Variants in SPTBN2 observed in about 807,000 individuals in gnomAD.
The protein encoded by SPTBN2 is spectrin beta chain, non-erythrocytic 2.
SPTBN2 carries 107 observed loss-of-function variants against 284.2 expected under a neutral mutation model. The ratio of observed to expected loss-of-function variants is 0.38; its 90% confidence interval spans 0.32 to 0.44. The LOEUF (loss-of-function observed/expected upper bound fraction) is 0.44, where lower values mean the gene tolerates loss of function less well. SPTBN2 is among the 20% of genes least tolerant of loss of function. SPTBN2 has a pLI of 1.00. For missense variants in SPTBN2, 2,569 were observed against 3,287.1 expected (o/e 0.78, Z 5.34); for synonymous variants, 1,289 against 1,354.8 (o/e 0.95, Z 1.07).
rs750520015 is a variant in SPTBN2 at position 66,704,832 on chromosome 11, G to C, written c.2444C>G (p.Pro815Arg). The change falls in exon 15 of 38, where the codon CCC becomes CGC. Residue 815 changes from proline to arginine, a missense_variant. By Grantham distance (103) the Pro-to-Arg change is moderately radical. Coordinates refer to ENST00000533211, the MANE Select transcript of SPTBN2 (RefSeq NM_006946.4). ...CACCTCGGGCGTGCGGCTCAGTGTG[G>C]GGGGCAGGGCTGCTGCCTGTTCCCT... is the stretch of plus-strand genomic sequence containing the variant. ...ALREQAAALP[P>R]TLSRTPEVQS... 9 of 1,607,734 alleles carry C rather than the reference G, an allele frequency of 5.6e-6. No homozygotes were observed. The highest frequency in any genetic ancestry group is 4.5e-5 in the East Asian group (2 of 44,860).
chr11:66,698,472 T>C (rs1156791680), intron 20 of SPTBN2, among the ~76,000 whole-genome samples, 167 bp downstream of exon 20: 1 of 152,340 alleles, frequency 6.6e-6, no homozygotes, highest in East Asian at 1.9e-4. Flanking sequence ...CCACTCTTTG[T>C]CTCCAACAAA....
Position 66,705,244 on chromosome 11 carries a change from G to A in SPTBN2, c.2032C>T (p.Arg678Cys), listed in dbSNP as rs866339763. The change falls in exon 15 of 38, where the codon CGC becomes TGC. Residue 678 changes from arginine to cysteine, a missense_variant. Physicochemically the swap from Arg to Cys is radical, Grantham distance 180 (BLOSUM62 -3). Coordinates refer to ENST00000533211, the MANE Select transcript of SPTBN2 (RefSeq NM_006946.4). ...AGGGCTGTGTGCTTGTTGAGCAGGC[G>A]GAGGGCACCGGTCAGGTCTCGGCCC... ...DTGRDLTGAL[R>C]LLNKHTALRG... 5.7e-6 allele frequency: 9 copies of A among 1,568,960 alleles called. No individual in the cohort carries two copies. Among genetic ancestry groups the A allele is most frequent in the Non-Finnish European group, 7.7e-6 (9 of 1,163,410 alleles).
At chr11:66,699,192 G>T in intron 18 of SPTBN2, 110 bp from the exon 19 acceptor site, 2 of 1,386,780 alleles carry the variant, frequency 1.4e-6, no homozygotes, top group Non-Finnish European at 2.0e-6. Flanking sequence ...CCTTCCGGGA[G>T]CACAATGAGG....
rs1941721292 is a variant in SPTBN2, at chr11:66,709,076, T to C, written c.1074-57A>G. On this transcript the variant is annotated intron_variant, in intron 10 of 37. Transcript: ENST00000533211. ...TAAAGCCCACGAGGGTCACAAGGAC[T>C]CTTTACTCTTCCAAATGGGTGTCCT... The C allele has an allele frequency of 5.7e-6, 8 of 1,396,326 alleles. No homozygotes were observed. The Admixed American group carries it at 1.3e-4, about 23-fold the overall frequency. 86.5% of individuals were successfully genotyped at this position (1,396,326 alleles called of 1,614,324 possible).
At chr11:66,688,583 C>A (rs922554622) in intron 31 of SPTBN2, 70 bp downstream of exon 31, 2 of 1,592,602 alleles carry the variant, frequency 1.3e-6, no homozygotes, top group African/African-American at 2.7e-5. Context: ...GACATGTCTT[C>A]TCCAAGCAGA....
rs201811428 is a variant in SPTBN2, at chr11:66,687,622, T to C, written c.6527A>G (p.Asn2176Ser). ...GGTCTGCCTCTCTCCCCGGGGCCCATTGGCTTCGTCCCCTGAGCCAGGTCC... is the reference window on the plus strand; with the variant it reads ...GGTCTGCCTCTCTCCCCGGGGCCCACTGGCTTCGTCCCCTGAGCCAGGTCC... ...GPGPGSGDEANGPRGERQTRT... is the reference protein window; with the variant it reads ...GPGPGSGDEASGPRGERQTRT... Residue 2176 changes from asparagine (N) to serine (S), a missense_variant, in exon 35 of 38, where the codon AAT becomes AGT. Physicochemically the swap from Asn to Ser is conservative, Grantham distance 46. This residue lies in a region of SPTBN2 where 1,130 missense variants were observed against 1,317.3 expected (regional missense o/e 0.86). Transcript: ENST00000533211. The surrounding 1 kb of genome is among the most constrained non-coding windows in gnomAD (Gnocchi z 5.2). 108 of 1,602,328 alleles carry C rather than the reference T, an allele frequency of 6.7e-5. 1 individual carries two copies. The South Asian group carries it at 8.4e-4, about 12-fold the overall frequency.
At chr11:66,692,512 G>C (rs771306242) in intron 26 of SPTBN2, 24 bp downstream of exon 26, 1 of 1,599,384 alleles carries the variant, frequency 6.3e-7, no homozygotes, top group Non-Finnish European at 8.5e-7. Context: ...GTTGATCTGA[G>C]CTGGGTGCCC....
At chr11:66,701,549 C>A (rs1428372719) in intron 16 of SPTBN2, 35 bp downstream of exon 16, 3 of 1,614,022 alleles carry the variant, frequency 1.9e-6, no homozygotes, top group Non-Finnish European at 2.5e-6. Context: ...CTTCATTTTT[C>A]TGTCAGTTTC....
At chr11:66,712,431 C>G (rs1941918341) in intron 8 of SPTBN2, among the ~76,000 whole-genome samples, 1 of 152,008 alleles carries the variant, frequency 6.6e-6, no homozygotes, top group Non-Finnish European at 1.5e-5. Context: ...CCTGTAATCT[C>G]AGCTACTCAA....
upstream of SPTBN2, among the ~76,000 whole-genome samples, chr11:66,730,476 A>G (rs1301383618): frequency 6.6e-6 from 1 of 151,850 alleles, no homozygotes; most frequent in Non-Finnish European, 1.5e-5. Context: ...GCTACTCAGG[A>G]GGCTGAGGCA....
At chr11:66,705,920 G>A (rs1005002698) in intron 13 of SPTBN2, 83 bp from the exon 14 acceptor site, 8 of 1,539,850 alleles carry the variant, frequency 5.2e-6, no homozygotes, top group African/African-American at 1.4e-5. Context: ...ACTTCTCCAC[G>A]GCCCCAGGTG....
chr11:66,729,321 C>T (rs1464111267), upstream of SPTBN2: 1 of 152,198 alleles, frequency 6.6e-6, no homozygotes, highest in Non-Finnish European at 1.5e-5. Context: ...AGGTGCTGTT[C>T]TTCCAGATTA....
chr11:66,719,467 A>G lies in SPTBN2; in HGVS notation c.157+1617T>C, dbSNP rs551475203. 4.7e-4 allele frequency among the ~76,000 whole-genome samples: 71 copies of G among 152,368 alleles called. 1 individual carries two copies. Among genetic ancestry groups the G allele is most frequent in the African/African-American group, 1.7e-3 (71 of 41,588 alleles). ...TTTGACACCTACTGGCTGGAGACAC[A>G]GTGCTAGGCAAATCCCATGCAGAGC... On this transcript the variant is annotated intron_variant, in intron 3 of 37. Coordinates refer to ENST00000533211, the MANE Select transcript of SPTBN2 (RefSeq NM_006946.4).
Position 66,685,004 on chromosome 11 carries a change from A to T in SPTBN2, c.*867T>A, listed in dbSNP as rs1255143760. Among the ~76,000 whole-genome samples, 1 of 152,212 alleles carries T rather than the reference A, an allele frequency of 6.6e-6. No homozygotes were observed. Among genetic ancestry groups the T allele is most frequent in the African/African-American group, 2.4e-5 (1 of 41,456 alleles). On this transcript the variant is annotated 3_prime_UTR_variant, in exon 38 of 38. Transcript: ENST00000533211. This position sits in a 1 kb window ranked among gnomAD's most constrained non-coding sequence, Gnocchi z 4.4. Reference sequence around the variant, plus strand: ...TTTTTAACATGAATACTGCTTGTTGACATCATCCCAACCCATGGTGAACTA... The same window carrying T: ...TTTTTAACATGAATACTGCTTGTTGTCATCATCCCAACCCATGGTGAACTA...
Position 66,684,980 on chromosome 11 carries a change from T to G in SPTBN2, c.*891A>C, listed in dbSNP as rs1188028097. 6.6e-6 allele frequency among the ~76,000 whole-genome samples: 1 copy of G among 152,202 alleles called. No homozygotes were observed. Among genetic ancestry groups the G allele is most frequent in the Non-Finnish European group, 1.5e-5 (1 of 68,038 alleles). On this transcript the variant is annotated 3_prime_UTR_variant, in exon 38 of 38. Transcript: ENST00000533211. The stretch of plus-strand genomic sequence containing the variant: ...ACCAGGGAAGGAGTCCCTCATTGCT[T>G]TTTAACATGAATACTGCTTGTTGAC...
chr11:66,741,457 C>T (rs888063600), intron 1 of SPTBN2, among the ~76,000 whole-genome samples: 2 of 152,110 alleles, frequency 1.3e-5, no homozygotes, highest in African/African-American at 2.4e-5. Context: ...TACCCAGTGT[C>T]GGGTATGTCT....
At position 66,710,739 on chromosome 11, in the gene SPTBN2, G is replaced by A. The variant is rs746435927; in HGVS notation, c.916C>T (p.Leu306=). 8.1e-6 allele frequency: 13 copies of A among 1,614,130 alleles called. No homozygotes were observed. The highest frequency in any genetic ancestry group is 1.7e-4 in the Middle Eastern group (1 of 6,048). Residue 306 remains leucine (L), a synonymous_variant, in exon 10 of 38, where the codon CTG becomes TTG. Coordinates refer to ENST00000533211, the MANE Select transcript of SPTBN2 (RefSeq NM_006946.4). The surrounding 1 kb of genome is among the most constrained non-coding windows in gnomAD (Gnocchi z 4.9). ...GCCAGGGACTCGTATTTCTCCACCA[G>A]GCGCTCTGCCTCCATGGCATGGTCC... ...VLDHAMEAER[L]VEKYESLASE...
chr11:66,735,988 G>C (rs551774553), intron 1 of SPTBN2, among the ~76,000 whole-genome samples: 4 of 152,322 alleles, frequency 2.6e-5, no homozygotes, highest in African/African-American at 9.6e-5. Context: ...TCCGAGGACT[G>C]ACCTGATTTC....
Position 66,700,760 on chromosome 11 carries a change from C to G in SPTBN2, c.3339G>C (p.Glu1113Asp). 6.2e-7 allele frequency: 1 copy of G among 1,602,432 alleles called. No individual in the cohort carries two copies. Among genetic ancestry groups the G allele is most frequent in the Non-Finnish European group, 8.5e-7 (1 of 1,179,810 alleles). The change falls in exon 17 of 38, where the codon GAG (glutamate) becomes GAC (aspartate). Residue 1113 changes from glutamate to aspartate, a missense_variant. Physicochemically the swap from Glu to Asp is conservative, Grantham distance 45. Coordinates refer to ENST00000533211, the MANE Select transcript of SPTBN2 (RefSeq NM_006946.4). This position sits in a 1 kb window ranked among gnomAD's most constrained non-coding sequence, Gnocchi z 6.6. ...TATACTCGCTCTGGGCCCGCTCCAC[C>G]TCTCCCCGCAGGGCTGCATGTTGGG... ...LLAQHAALRG[E>D]VERAQSEYSR...
Sources: gnomAD v4.1 joint callset for allele counts (sites outside exome capture counted in the v4.1 genomes callset) on GRCh38, gnomAD v4.1.1 for gene constraint, gnomAD v4.1.1 regional missense constraint, Gnocchi (gnomAD v3.1) non-coding constraint, MANE v1.5 for transcripts, NCBI Gene and HGNC (gene_info 2026-07-23, HGNC 2026-07-21) for gene names.